The following IL1RAPL1 variants were observed in gnomAD, a reference collection of about 807,000 sequenced individuals.
The protein encoded by IL1RAPL1 is interleukin-1 receptor accessory protein-like 1.
In IL1RAPL1, 3 loss-of-function variants were observed where a neutral mutation model predicts 48.4. That is an observed-to-expected ratio of 0.06 (90% CI 0.03 to 0.16). The LOEUF is 0.16. Ranked by LOEUF, IL1RAPL1 falls within the 10% of genes least tolerant of loss-of-function variation. IL1RAPL1 has a pLI of 1.00. For synonymous variants in IL1RAPL1, 185 were observed against 187.7 expected (o/e 0.99, Z 0.12); for missense variants, 349 against 530.6 (o/e 0.66, Z 3.36).
chrX:29,946,081 T>C (rs911774911), intron 9 of IL1RAPL1, among the ~76,000 whole-genome samples: 1 of 111,348 alleles, frequency 9.0e-6, no homozygotes, highest in Non-Finnish European at 1.9e-5. Context: ...TCAATATCAG[T>C]CAATTGCACC....
intron 5 of IL1RAPL1, among the ~76,000 whole-genome samples, chrX:29,516,172 C>T (rs935854565): frequency 3.6e-5 from 4 of 111,677 alleles, no homozygotes; most frequent in Non-Finnish European, 7.5e-5. Context: ...TACTTAGCTA[C>T]GTATTTTATA....
chrX:29,923,533 G>T (rs1049007374), intron 8 of IL1RAPL1, among the ~76,000 whole-genome samples: 4 of 112,205 alleles, frequency 3.6e-5, no homozygotes, highest in African/African-American at 6.5e-5. Flanking sequence ...CCAGACTCTG[G>T]CCTGGCAAGC....
intron 6 of IL1RAPL1, among the ~76,000 whole-genome samples, chrX:29,791,296 G>C (rs956448306): frequency 2.7e-5 from 3 of 110,856 alleles, no homozygotes; most frequent in African/African-American, 6.6e-5. Context: ...GTTGGATCCT[G>C]GTGTATAATT....
chrX:28,735,418 G>A (rs923203198), intron 1 of IL1RAPL1, among the ~76,000 whole-genome samples: 11 of 53,043 alleles, frequency 2.1e-4, no homozygotes, highest in African/African-American at 1.2e-3. Context: ...ACGTGTTCAC[G>A]CTCCAATCTA....
intron 2 of IL1RAPL1, among the ~76,000 whole-genome samples, chrX:29,048,205 T>G (rs995923722): frequency 8.9e-6 from 1 of 112,110 alleles, no homozygotes; most frequent in Non-Finnish European, 1.9e-5. Flanking sequence ...TGTAATGTAG[T>G]TCAACTTACT....
chrX:28,639,889 A>G (rs1034721362), intron 1 of IL1RAPL1, among the ~76,000 whole-genome samples: 1 of 111,992 alleles, frequency 8.9e-6, no homozygotes, highest in Non-Finnish European at 1.9e-5. Context: ...CTGGTTCTAA[A>G]TTAGGGTGAG....
chrX:29,300,830 T>G (rs774712956), intron 3 of IL1RAPL1, among the ~76,000 whole-genome samples: 1 of 112,248 alleles, frequency 8.9e-6, no homozygotes, highest in African/African-American at 3.2e-5. Flanking sequence ...GATTTGAAAA[T>G]ATCAAACTTG....
chrX:29,110,029 A>C (rs760522754), intron 2 of IL1RAPL1, among the ~76,000 whole-genome samples: 31 of 112,185 alleles, frequency 2.8e-4, no homozygotes, highest in African/African-American at 8.7e-4. Flanking sequence ...CACTTATCTT[A>C]TACATTGTGC....
intron 5 of IL1RAPL1, among the ~76,000 whole-genome samples, chrX:29,587,825 A>G (rs1923232746): frequency 1.8e-5 from 2 of 112,138 alleles, no homozygotes; most frequent in African/African-American, 3.2e-5. Context: ...CCTGCCTACA[A>G]TCCACCAACT....
chrX:29,173,388 T>A (rs1929946088), intron 2 of IL1RAPL1, among the ~76,000 whole-genome samples: 1 of 112,406 alleles, frequency 8.9e-6, no homozygotes, highest in Admixed American at 9.5e-5. Context: ...TAATATCAGA[T>A]AATTGTTTAT....
intron 5 of IL1RAPL1, among the ~76,000 whole-genome samples, chrX:29,540,959 C>G (rs905354130): frequency 8.9e-6 from 1 of 111,906 alleles, no homozygotes; most frequent in Non-Finnish European, 1.9e-5. Flanking sequence ...AGAGCTTCTG[C>G]ACAGCAGAAG....
intron 2 of IL1RAPL1, among the ~76,000 whole-genome samples, chrX:29,090,401 C>G (rs1928063949): frequency 8.9e-6 from 1 of 111,795 alleles, no homozygotes; most frequent in Non-Finnish European, 1.9e-5. Context: ...ACGCTTTTTT[C>G]TAAAGCTCAA....
chrX:29,864,871 A>G (rs185566340), intron 6 of IL1RAPL1, among the ~76,000 whole-genome samples: 9 of 112,208 alleles, frequency 8.0e-5, no homozygotes, highest in African/African-American at 2.9e-4. Flanking sequence ...CTCACATTAC[A>G]ATCTAGAAGC....
rs192403092 is a variant in IL1RAPL1, at chrX:29,723,359, G to A, written c.778+54855G>A. ...TGCCTCCCGGGCTCAAGTGATTCTC[G>A]TGCCTCAGCCTCCCAAGTAGCTGGG... On this transcript the variant is annotated intron_variant, in intron 6 of 10. Coordinates refer to ENST00000378993, the MANE Select transcript of IL1RAPL1 (RefSeq NM_014271.4). 2.2e-3 allele frequency among the ~76,000 whole-genome samples: 247 copies of A among 111,565 alleles called. 2 individuals are homozygous for A. The highest frequency in any genetic ancestry group is 2.7e-3 in the Non-Finnish European group (144 of 53,005).
At chrX:29,921,264 T>C (rs748280533) in intron 8 of IL1RAPL1, among the ~76,000 whole-genome samples, 2 of 112,594 alleles carry the variant, frequency 1.8e-5, no homozygotes, top group East Asian at 5.5e-4. Flanking sequence ...ACAAGCACAC[T>C]TGATGTTCTC....
At chrX:29,179,626 G>T (rs1261741651) in intron 2 of IL1RAPL1, among the ~76,000 whole-genome samples, 1 of 111,721 alleles carries the variant, frequency 9.0e-6, no homozygotes. Flanking sequence ...TTCTTATAAA[G>T]TCTGACTCAG....
intron 6 of IL1RAPL1, among the ~76,000 whole-genome samples, chrX:29,884,652 CCTAA>C (rs760612820): frequency 9.0e-5 from 10 of 111,171 alleles, no homozygotes; most frequent in Admixed American, 1.9e-4. Context: ...ATCTTGCATA[CCTAA>C]CTGTCTATCC....
chrX:29,300,309 A>G (rs1029943471), intron 3 of IL1RAPL1, among the ~76,000 whole-genome samples: 9 of 111,536 alleles, frequency 8.1e-5, no homozygotes, highest in Non-Finnish European at 1.3e-4. Context: ...CACCTAACAC[A>G]GTGCCCAGCA....
chrX:28,908,014 A>G (rs1483481543), intron 2 of IL1RAPL1, among the ~76,000 whole-genome samples: 1 of 111,508 alleles, frequency 9.0e-6, no homozygotes, highest in African/African-American at 3.3e-5. Context: ...ACTATTGACC[A>G]TAGAGTTATT....
Sources: gnomAD v4.1 joint callset for allele counts (sites outside exome capture counted in the v4.1 genomes callset) on GRCh38, gnomAD v4.1.1 for gene constraint, MANE v1.5 for transcripts, NCBI Gene and HGNC (gene_info 2026-07-23, HGNC 2026-07-21) for gene names.